Variants in ARHGEF38 observed in about 807,000 individuals in gnomAD.
The protein encoded by ARHGEF38 is Rho guanine nucleotide exchange factor (GEF) 38.
ARHGEF38 carries 79 observed loss-of-function variants against 79.9 expected under a neutral mutation model. That is an observed-to-expected ratio of 0.99 (90% CI 0.82 to 1.19). The LOEUF (loss-of-function observed/expected upper bound fraction) is 1.19, where lower values mean the gene tolerates loss of function less well. Among genes scored for constraint, ARHGEF38 ranks in the 50% most tolerant of loss-of-function variants. ARHGEF38 has a pLI of 0.00. For synonymous variants in ARHGEF38, 366 were observed against 328.3 expected, an observed-to-expected ratio of 1.11 and a Z score of -1.24; for missense variants, 962 against 907.2, an observed-to-expected ratio of 1.06 and a Z score of -0.78.
chr4:105,643,898 G>A (rs556206175), intron 5 of ARHGEF38, among the ~76,000 whole-genome samples: 9 of 109,548 alleles, frequency 8.2e-5, no homozygotes, highest in African/African-American at 3.6e-4. Flanking sequence ...TTTTTTTTGC[G>A]ACAGGCTCTC....
Position 105,659,849 on chromosome 4 carries a change from TTGTG to T in ARHGEF38, c.1545+520_1545+523del, listed in dbSNP as rs59465723. On this transcript the variant is annotated intron_variant, in intron 10 of 13. Transcript: ENST00000420470. ...TTCCCCAAGAAAGAGAAGCCTGGTT[TTGTG>T]TGTGTGTGTGTGTGTGTGTGTGTGT... 4.6e-3 allele frequency among the ~76,000 whole-genome samples: 612 copies of T among 133,176 alleles called. 2 individuals carry two copies. Among genetic ancestry groups the T allele is most frequent in the South Asian group, 0.011 (46 of 4,148 alleles). 87.4% of individuals were successfully genotyped at this position (133,176 alleles called of 152,430 possible).
At chr4:105,662,312 T>G (rs1446434918) in intron 10 of ARHGEF38, among the ~76,000 whole-genome samples, 1 of 152,154 alleles carries the variant, frequency 6.6e-6, no homozygotes, top group African/African-American at 2.4e-5. Flanking sequence ...ATGAGCCTTT[T>G]GTTGAGATAA....
chr4:105,618,207 T>C (rs1348040780), intron 3 of ARHGEF38, among the ~76,000 whole-genome samples: 6 of 152,250 alleles, frequency 3.9e-5, no homozygotes, highest in African/African-American at 1.4e-4. Flanking sequence ...TTAAATATTA[T>C]GGTTTACAAA....
intron 3 of ARHGEF38, 61 bp from the exon 4 acceptor site, chr4:105,630,837 A>G (rs1729154256): frequency 2.1e-6 from 3 of 1,461,732 alleles, no homozygotes; most frequent in Middle Eastern, 1.8e-4. Context: ...GTTGAAAATA[A>G]TCATGTGAAG....
At chr4:105,555,520 G>A in intron 1 of ARHGEF38, among the ~76,000 whole-genome samples, 1 of 152,076 alleles carries the variant, frequency 6.6e-6, no homozygotes, top group Middle Eastern at 3.2e-3. Context: ...TTATTCAAAT[G>A]CCGAGAGATT....
chr4:105,597,579 T>C (rs905505705), intron 2 of ARHGEF38, among the ~76,000 whole-genome samples: 1 of 152,232 alleles, frequency 6.6e-6, no homozygotes, highest in Non-Finnish European at 1.5e-5. Flanking sequence ...CACAACTTTC[T>C]TAAAGTTGGC....
At position 105,680,329 on chromosome 4, in the gene ARHGEF38, ACTT is replaced by A. The variant is rs1338217803; in HGVS notation, c.*2393_*2395del. ...TTAAAATGTACAATCCTAAAAGCTT[ACTT>A]GTTAGCACACTTGCTTATCTGTCCA... On this transcript the variant is annotated 3_prime_UTR_variant, in exon 14 of 14. Coordinates refer to ENST00000420470, the MANE Select transcript of ARHGEF38 (RefSeq NM_001242729.2). 1 of 281,544 alleles carries A rather than the reference ACTT, an allele frequency of 3.6e-6. No individual in the cohort carries two copies. The highest frequency in any genetic ancestry group is 2.2e-5 in the African/African-American group (1 of 45,300). The allele number at this position is 281,544 out of a possible 1,614,324, so 17.4% of individuals were successfully genotyped here. A position where few individuals can be genotyped will look rare whatever the true frequency, so the allele number is the denominator to read the frequency against.
chr4:105,567,330 C>T (rs1725976608), intron 1 of ARHGEF38, among the ~76,000 whole-genome samples: 1 of 152,180 alleles, frequency 6.6e-6, no homozygotes, highest in South Asian at 2.1e-4. Flanking sequence ...AAATTTGTCT[C>T]ATTCAACTCC....
intron 3 of ARHGEF38, among the ~76,000 whole-genome samples, chr4:105,620,209 T>C (rs1461689853): frequency 6.6e-6 from 1 of 152,192 alleles, no homozygotes; most frequent in Non-Finnish European, 1.5e-5. Context: ...GATGGGAGTA[T>C]GAAATGTGGC....
At chr4:105,657,343 G>T (rs1456427167) in intron 9 of ARHGEF38, among the ~76,000 whole-genome samples, 1 of 152,022 alleles carries the variant, frequency 6.6e-6, no homozygotes, top group East Asian at 1.9e-4. Flanking sequence ...GATTAATTAG[G>T]CTAAGTTAAA....
intron 1 of ARHGEF38, chr4:105,569,766 G>A (rs975417703): frequency 1.3e-5 from 2 of 152,192 alleles, no homozygotes; most frequent in African/African-American, 4.8e-5. Context: ...TGCGTAAAAG[G>A]AAGGGAATAT....
chr4:105,651,453 G>A (rs557738168), intron 7 of ARHGEF38, among the ~76,000 whole-genome samples: 1 of 152,330 alleles, frequency 6.6e-6, no homozygotes, highest in East Asian at 1.9e-4. Context: ...CCAGCACCAT[G>A]TTAGAGATTG....
chr4:105,641,484 G>C (rs1328668463), intron 5 of ARHGEF38, among the ~76,000 whole-genome samples: 3 of 151,822 alleles, frequency 2.0e-5, no homozygotes, highest in African/African-American at 7.3e-5. Flanking sequence ...GTTTATTTGT[G>C]TAACAATATA....
rs1375328586 is a variant in ARHGEF38 at position 105,645,380 on chromosome 4, A to G, written c.867A>G (p.Lys289=). 3.9e-6 allele frequency: 6 copies of G among 1,523,456 alleles called. No individual in the cohort carries two copies. In the East Asian group the frequency reaches 1.5e-4, roughly 37 times the overall value. 94.4% of individuals were successfully genotyped at this position (1,523,456 alleles called of 1,614,324 possible). A position where few individuals can be genotyped will look rare whatever the true frequency, so the allele number is the denominator to read the frequency against. ...NVNINELKRR[K]DLVLKYKKND... is the part of the protein sequence containing the mutation. Reference sequence around the variant, plus strand: ...ACATCAATGAACTTAAAAGAAGGAAAGATTTAGGTAGGAAGAGACATGATG... The same window carrying G: ...ACATCAATGAACTTAAAAGAAGGAAGGATTTAGGTAGGAAGAGACATGATG... The change falls in exon 6 of 14, where the codon AAA becomes AAG. Residue 289 remains lysine (K), a synonymous_variant. Coordinates refer to ENST00000420470, the MANE Select transcript of ARHGEF38 (RefSeq NM_001242729.2).
intron 13 of ARHGEF38, among the ~76,000 whole-genome samples, chr4:105,673,878 C>T (rs1731035653): frequency 6.6e-6 from 1 of 152,114 alleles, no homozygotes; most frequent in African/African-American, 2.4e-5. Flanking sequence ...TGAAAGCTTG[C>T]TCCTGAAGGG....
At chr4:105,595,463 C>T (rs1727537824) in intron 2 of ARHGEF38, among the ~76,000 whole-genome samples, 1 of 151,860 alleles carries the variant, frequency 6.6e-6, no homozygotes, top group South Asian at 2.1e-4. Flanking sequence ...AAATAATTTT[C>T]ACTAGAAAAA....
chr4:105,645,671 C>T (rs369956529), intron 6 of ARHGEF38, among the ~76,000 whole-genome samples: 2 of 152,138 alleles, frequency 1.3e-5, no homozygotes. Context: ...TGAAGAAACC[C>T]ATTGCATATA....
chr4:105,588,347 A>C (rs1239082326), intron 1 of ARHGEF38, among the ~76,000 whole-genome samples: 1 of 152,228 alleles, frequency 6.6e-6, no homozygotes, highest in African/African-American at 2.4e-5. Context: ...GACTAAGATG[A>C]AAATTAAGCT....
intron 4 of ARHGEF38, chr4:105,631,704 AATC>A (rs1429016579): frequency 2.1e-6 from 2 of 950,870 alleles, no homozygotes; most frequent in African/African-American, 3.5e-5. Flanking sequence ...TCTTCTTAAT[AATC>A]ATTTTCTTCT....
Sources: allele counts gnomAD v4.1 joint callset (sites outside exome capture counted in the v4.1 genomes callset), GRCh38; gene constraint gnomAD v4.1.1; transcripts MANE v1.5; gene names NCBI Gene and HGNC (gene_info 2026-07-23, HGNC 2026-07-21).